Variants in DMD observed in about 807,000 individuals in gnomAD.
The protein encoded by DMD is dystrophin.
In DMD, 63 loss-of-function variants were observed where a neutral mutation model predicts 330.1. That is an observed-to-expected ratio of 0.19 (90% CI 0.16 to 0.24). The LOEUF (loss-of-function observed/expected upper bound fraction) is 0.24, where lower values mean the gene tolerates loss of function less well. DMD is among the 10% of genes least tolerant of loss of function. The pLI is 1.00. For missense variants in DMD, 3,344 were observed against 2,684.1 expected (o/e 1.25, Z -5.43); for synonymous variants, 1,223 against 959.8 (o/e 1.27, Z -5.07).
At chrX:31,370,955 A>G (rs1647318318) in intron 60 of DMD, among the ~76,000 whole-genome samples, 1 of 112,334 alleles carries the variant, frequency 8.9e-6, no homozygotes, top group African/African-American at 3.2e-5. Context: ...TTCCATTCAT[A>G]TAACATTATT....
intron 55 of DMD, among the ~76,000 whole-genome samples, chrX:31,593,871 A>T (rs2076992708): frequency 9.0e-6 from 1 of 111,620 alleles, no homozygotes; most frequent in South Asian, 3.6e-4. Flanking sequence ...TAATATACTA[A>T]TATAAGCTCT....
chrX:31,765,280 T>C, intron 51 of DMD, among the ~76,000 whole-genome samples: 1 of 112,223 alleles, frequency 8.9e-6, no homozygotes, highest in East Asian at 2.8e-4. Flanking sequence ...AGTTGATTTA[T>C]TCATTCTAAT....
chrX:32,362,878 G>A lies in DMD; in HGVS notation c.5235C>T (p.Arg1745=), dbSNP rs766312119. ...RDQAANLMAN[R]GDHCRKLVEP... ...CTACTAATTTCCTGCAGTGGTCACC[G>A]CGGTTTGCCATCAAGTTTGCTGCTT... Residue 1745 remains arginine (R), a synonymous_variant, in exon 37 of 79, where the codon CGC becomes CGT. Transcript: ENST00000357033. 21 of 1,210,848 alleles carry A rather than the reference G, an allele frequency of 1.7e-5. No individual in the cohort carries two copies. Among genetic ancestry groups the A allele is most frequent in the Middle Eastern group, 2.3e-4 (1 of 4,350 alleles).
chrX:32,033,603 C>G lies in DMD; in HGVS notation c.6439-65089G>C, dbSNP rs5002833. ...TAAAAAAACAAGACAGACAGACAGACAGAAAGAAAGAAAGAAAGAAAGAAA... is the reference window on the plus strand; with the variant it reads ...TAAAAAAACAAGACAGACAGACAGAGAGAAAGAAAGAAAGAAAGAAAGAAA... On this transcript the variant is annotated intron_variant, in intron 44 of 78. Coordinates refer to ENST00000357033, the MANE Select transcript of DMD (RefSeq NM_004006.3). 4.9e-3 allele frequency among the ~76,000 whole-genome samples: 293 copies of G among 59,918 alleles called. 6 individuals are homozygous for G. The highest frequency in any genetic ancestry group is 9.6e-3 in the African/African-American group (122 of 12,695). 52.0% of individuals were successfully genotyped at this position (59,918 alleles called of 115,157 possible).
chrX:32,538,876 A>G, intron 17 of DMD, among the ~76,000 whole-genome samples: 1 of 110,373 alleles, frequency 9.1e-6, no homozygotes, highest in Non-Finnish European at 1.9e-5. Flanking sequence ...GAGTGCTTGT[A>G]AAATATTTTT....
intron 74 of DMD, among the ~76,000 whole-genome samples, chrX:31,162,778 T>A (rs2038996125): frequency 8.9e-6 from 1 of 111,938 alleles, no homozygotes. Context: ...TAAACTTTCA[T>A]TCTGGGTTAT....
chrX:32,802,551 G>C (rs1478744188), intron 7 of DMD, among the ~76,000 whole-genome samples: 1 of 111,666 alleles, frequency 9.0e-6, no homozygotes, highest in Non-Finnish European at 1.9e-5. Context: ...TTTGTCTTGT[G>C]CCAGTTTTTA....
chrX:32,858,218 A>G (rs1334752766), intron 2 of DMD, among the ~76,000 whole-genome samples: 4 of 112,627 alleles, frequency 3.6e-5, no homozygotes, highest in Non-Finnish European at 1.9e-5. Context: ...AGTATAAATT[A>G]CACAGTGCCT....
intron 1 of DMD, among the ~76,000 whole-genome samples, chrX:33,069,218 T>C (rs1019310840): frequency 3.6e-5 from 4 of 111,199 alleles, no homozygotes; most frequent in African/African-American, 1.3e-4. Context: ...TAGCTTCTTG[T>C]TTTTCATCTC....
chrX:31,925,629 T>G (rs2094760380), intron 47 of DMD, among the ~76,000 whole-genome samples: 1 of 111,298 alleles, frequency 9.0e-6, no homozygotes, highest in Non-Finnish European at 1.9e-5. Context: ...ATCAGCAATT[T>G]GGGAGGCCGA....
At position 31,182,894 on chromosome X, in the gene DMD, T is replaced by G; in HGVS notation, c.9818A>C (p.Lys3273Thr). Residue 3273 changes from lysine to threonine, a missense_variant, in exon 68 of 79, where the codon AAG becomes ACG. Coordinates refer to ENST00000357033, the MANE Select transcript of DMD (RefSeq NM_004006.3). ...VRSCFQFANNKPEIEAALFLD... is the reference protein window; with the variant it reads ...VRSCFQFANNTPEIEAALFLD... ...GAAGAGGGCCGCTTCGATCTCTGGC[T>G]TATTATTAGCCTGCAAAGACAGGAG... The G allele has an allele frequency of 8.3e-7, 1 of 1,208,074 alleles. No homozygotes were observed. Among genetic ancestry groups the G allele is most frequent in the African/African-American group, 1.8e-5 (1 of 56,984 alleles).
At chrX:31,367,289 CT>C (rs893040154) in intron 60 of DMD, among the ~76,000 whole-genome samples, 5 of 110,838 alleles carry the variant, frequency 4.5e-5, no homozygotes, top group Non-Finnish European at 9.5e-5. Flanking sequence ...AAAATAACGC[CT>C]TTTTTTTCAT....
chrX:33,043,098 T>TTTGAAGC (rs775912835), intron 1 of DMD, among the ~76,000 whole-genome samples: 65 of 112,313 alleles, frequency 5.8e-4, no homozygotes, highest in Non-Finnish European at 1.1e-3. Flanking sequence ...TCTTTTTTAA[T>TTTGAAGC]TTGAAGCTTG....
chrX:32,616,163 A>C (rs112561467), intron 11 of DMD, among the ~76,000 whole-genome samples: 3 of 111,127 alleles, frequency 2.7e-5, no homozygotes, highest in African/African-American at 9.8e-5. Context: ...ATATACCCTC[A>C]ACGTGACTTA....
At chrX:31,376,454 A>AC (rs200414889) in intron 60 of DMD, among the ~76,000 whole-genome samples, 1,181 of 111,692 alleles carry the variant, frequency 0.011, 17 homozygotes, top group African/African-American at 0.036. Flanking sequence ...CAGGAGAGGG[A>AC]CCCATCAAGC....
intron 30 of DMD, among the ~76,000 whole-genome samples, chrX:32,394,218 A>G (rs1308633389): frequency 2.7e-5 from 3 of 112,336 alleles, no homozygotes; most frequent in Non-Finnish European, 3.8e-5. Flanking sequence ...GAAAATATCA[A>G]CAGGAGGAGA....
At chrX:31,411,361 G>A (rs7054460) in intron 60 of DMD, among the ~76,000 whole-genome samples, 3,739 of 111,146 alleles carry the variant, frequency 0.034, 154 homozygotes, top group African/African-American at 0.12. Flanking sequence ...TGTTTTGTGT[G>A]CATATTTTCA....
At chrX:32,683,971 A>T (rs2062641766) in intron 9 of DMD, among the ~76,000 whole-genome samples, 1 of 108,227 alleles carries the variant, frequency 9.2e-6, no homozygotes, top group South Asian at 4.1e-4. Flanking sequence ...ATAGAAGCAA[A>T]AGTGAAATGT....
chrX:32,547,170 C>A (rs992312880), intron 16 of DMD, among the ~76,000 whole-genome samples: 1 of 110,946 alleles, frequency 9.0e-6, no homozygotes, highest in Admixed American at 9.7e-5. Flanking sequence ...ACATACAGAC[C>A]AGAATGCAGA....
Sources: gnomAD v4.1 joint callset for allele counts (sites outside exome capture counted in the v4.1 genomes callset) on GRCh38, gnomAD v4.1.1 for gene constraint, MANE v1.5 for transcripts, NCBI Gene and HGNC (gene_info 2026-07-23, HGNC 2026-07-21) for gene names.